TRPC4: variants seen among roughly 807,000 people sequenced by gnomAD.
TRPC4 encodes short transient receptor potential channel 4.
A neutral mutation model predicts 99.4 loss-of-function variants in TRPC4; 49 were observed. That is an observed-to-expected ratio of 0.49 (90% CI 0.39 to 0.63). The LOEUF is 0.63. Among genes scored for constraint, TRPC4 ranks in the 20% least tolerant of loss-of-function variants. The pLI is 0.00. For synonymous variants in TRPC4, 454 were observed against 425.9 expected, an observed-to-expected ratio of 1.07 and a Z score of -0.81; for missense variants, 898 against 1,152.9, an observed-to-expected ratio of 0.78 and a Z score of 3.20.
At chr13:37,664,463 A>G (rs1272109908) in intron 5 of TRPC4, among the ~76,000 whole-genome samples, 2 of 152,034 alleles carry the variant, frequency 1.3e-5, no homozygotes, top group Admixed American at 6.5e-5. Flanking sequence ...AATCCCAGCT[A>G]TTAGGGAGGC....
At chr13:37,639,159 A>C (rs1293343454) in intron 9 of TRPC4, 30 bp from the exon 10 acceptor site, 3 of 1,613,140 alleles carry the variant, frequency 1.9e-6, no homozygotes, top group Non-Finnish European at 1.7e-6. Flanking sequence ...GAGTATTGAT[A>C]CTCAATGAGT....
chr13:37,822,169 A>G (rs1320874918), intron 1 of TRPC4, among the ~76,000 whole-genome samples: 1 of 152,232 alleles, frequency 6.6e-6, no homozygotes, highest in Non-Finnish European at 1.5e-5. Context: ...CAAAGAAGAC[A>G]TACACAAAGC....
chr13:37,683,733 G>C (rs147477488), intron 4 of TRPC4, among the ~76,000 whole-genome samples: 27 of 152,290 alleles, frequency 1.8e-4, no homozygotes, highest in African/African-American at 6.3e-4. Flanking sequence ...AAAGCAACAG[G>C]AGTGAGGAAG....
chr13:37,712,992 G>C (rs552981056), intron 3 of TRPC4, among the ~76,000 whole-genome samples: 1 of 152,292 alleles, frequency 6.6e-6, no homozygotes, highest in African/African-American at 2.4e-5. Flanking sequence ...CTCTATGTCA[G>C]GCTAACTAAG....
chr13:37,758,828 C>T (rs979175818), intron 2 of TRPC4, among the ~76,000 whole-genome samples: 1 of 151,182 alleles, frequency 6.6e-6, no homozygotes, highest in African/African-American at 2.4e-5. Context: ...AAAAATAAAA[C>T]CTTATAGGGC....
chr13:37,652,305 T>A (rs570603261), intron 7 of TRPC4, among the ~76,000 whole-genome samples: 8 of 152,364 alleles, frequency 5.3e-5, no homozygotes, highest in African/African-American at 1.9e-4. Context: ...AACCAGTTAA[T>A]ATCATAAACA....
chr13:37,840,599 T>C (rs913934334), intron 1 of TRPC4, among the ~76,000 whole-genome samples: 3 of 151,934 alleles, frequency 2.0e-5, no homozygotes, highest in Non-Finnish European at 2.9e-5. Flanking sequence ...TTATCAAATA[T>C]AGGCAGTTTT....
At chr13:37,822,252 C>A (rs550877902) in intron 1 of TRPC4, among the ~76,000 whole-genome samples, 2 of 151,180 alleles carry the variant, frequency 1.3e-5, no homozygotes, top group Non-Finnish European at 2.9e-5. Flanking sequence ...CAATGAGATA[C>A]CATCTCAAAT....
At position 37,632,342 on chromosome 13, in the gene TRPC4, T is replaced by G. The variant is rs779675214; in HGVS notation, c.*4561A>C. Among the ~76,000 whole-genome samples the G allele has an allele frequency of 2.6e-5, 4 of 152,238 alleles. No homozygotes were observed. Among genetic ancestry groups the G allele is most frequent in the Non-Finnish European group, 5.9e-5 (4 of 68,042 alleles). ...TTTTAAATCAATACTTCATAAATACTATCAGTTCAATATGTAGCCAACATA... is the reference window on the plus strand; with the variant it reads ...TTTTAAATCAATACTTCATAAATACGATCAGTTCAATATGTAGCCAACATA... On this transcript the variant is annotated 3_prime_UTR_variant, in exon 11 of 11. Coordinates refer to ENST00000379705, the MANE Select transcript of TRPC4 (RefSeq NM_016179.4).
intron 1 of TRPC4, among the ~76,000 whole-genome samples, chr13:37,827,450 G>T (rs1000018976): frequency 1.1e-4 from 16 of 152,092 alleles, no homozygotes; most frequent in Non-Finnish European, 2.2e-4. Context: ...ATGGGTTTTT[G>T]GTGTGGGTGT....
intron 1 of TRPC4, among the ~76,000 whole-genome samples, chr13:37,835,230 C>T (rs1958534584): frequency 6.6e-6 from 1 of 152,070 alleles, no homozygotes; most frequent in Non-Finnish European, 1.5e-5. Flanking sequence ...TTCGGTGGCT[C>T]TTAATAACTT....
intron 6 of TRPC4, among the ~76,000 whole-genome samples, chr13:37,659,524 C>A (rs758387538): frequency 8.5e-5 from 13 of 152,084 alleles, no homozygotes; most frequent in Non-Finnish European, 1.5e-4. Context: ...AGGCAGGGGA[C>A]AAGCAGATCA....
intron 1 of TRPC4, among the ~76,000 whole-genome samples, chr13:37,829,849 C>T (rs1158154140): frequency 6.6e-6 from 1 of 152,012 alleles, no homozygotes; most frequent in African/African-American, 2.4e-5. Flanking sequence ...ACAGATGAAC[C>T]TTGAAGACAT....
At chr13:37,647,352 A>C (rs191894259) in intron 8 of TRPC4, among the ~76,000 whole-genome samples, 1 of 152,320 alleles carries the variant, frequency 6.6e-6, no homozygotes, top group African/African-American at 2.4e-5. Flanking sequence ...GCATAAAGAT[A>C]AGCAAGTTGA....
chr13:37,868,211 T>A (rs1245150018), intron 1 of TRPC4, among the ~76,000 whole-genome samples: 1 of 152,070 alleles, frequency 6.6e-6, no homozygotes, highest in Non-Finnish European at 1.5e-5. Flanking sequence ...ATTTTAAAGG[T>A]TATAAGTAAT....
At chr13:37,817,898 A>C (rs1271190647) in intron 1 of TRPC4, among the ~76,000 whole-genome samples, 2 of 152,040 alleles carry the variant, frequency 1.3e-5, no homozygotes, top group Non-Finnish European at 2.9e-5. Flanking sequence ...TGATGAATTA[A>C]AGGCTTAAAT....
chr13:37,834,681 A>G (rs573900151), intron 1 of TRPC4, among the ~76,000 whole-genome samples: 22 of 152,310 alleles, frequency 1.4e-4, no homozygotes, highest in African/African-American at 5.1e-4. Context: ...TTTCTCCAAC[A>G]TACTTGGATC....
chr13:37,781,684 AAAC>A (rs1247997086), intron 2 of TRPC4, among the ~76,000 whole-genome samples: 1 of 152,126 alleles, frequency 6.6e-6, no homozygotes, highest in East Asian at 1.9e-4. Flanking sequence ...TTTATGAAAG[AAAC>A]AACAAAATGC....
At chr13:37,793,340 G>A (rs1376339521) in intron 1 of TRPC4, among the ~76,000 whole-genome samples, 1 of 151,868 alleles carries the variant, frequency 6.6e-6, no homozygotes, top group Non-Finnish European at 1.5e-5. Context: ...CAATGTGCAG[G>A]TTTGTTACAT....
Sources: allele counts gnomAD v4.1 joint callset (sites outside exome capture counted in the v4.1 genomes callset), GRCh38; gene constraint gnomAD v4.1.1; transcripts MANE v1.5; gene names NCBI Gene and HGNC (gene_info 2026-07-23, HGNC 2026-07-21).